GGACT: variants seen among roughly 807,000 people sequenced by gnomAD.
GGACT encodes the protein gamma-glutamylamine cyclotransferase.
For synonymous variants in GGACT, 118 were observed against 115.3 expected, an observed-to-expected ratio of 1.02 and a Z score of -0.15; for missense variants, 241 against 233.2, an observed-to-expected ratio of 1.03 and a Z score of -0.22.
intron 2 of GGACT, among the ~76,000 whole-genome samples, chr13:100,572,117 C>T (rs771270039): frequency 6.6e-6 from 1 of 152,066 alleles, no homozygotes; most frequent in Non-Finnish European, 1.5e-5. Context: ...CCAGCATCAG[C>T]CAAGGGTTGG....
rs542005329 is a variant in GGACT, at chr13:100,545,416, C to T, written c.-10-12815G>A. ...TTCCTGACCTCCTTCCTGACCTCCA[C>T]GTCCCAGGGCCCCTGGAGGAGGGCA... On this transcript the variant is annotated intron_variant, in intron 2 of 2. Coordinates refer to ENST00000683975, the MANE Select transcript of GGACT (RefSeq NM_001195087.2). This position sits in a 1 kb window ranked among gnomAD's most constrained non-coding sequence, Gnocchi z 4.4. 1.1e-4 allele frequency among the ~76,000 whole-genome samples: 17 copies of T among 152,284 alleles called. No individual in the cohort carries two copies. Among genetic ancestry groups the T allele is most frequent in the African/African-American group, 3.9e-4 (16 of 41,554 alleles).
rs1028961473 is a variant in GGACT at position 100,562,534 on chromosome 13, G to T, written c.-11+21291C>A. Among the ~76,000 whole-genome samples the T allele has an allele frequency of 2.6e-5, 4 of 152,236 alleles. No homozygotes were observed. The East Asian group carries it at 7.7e-4, about 29-fold the overall frequency. On this transcript the variant is annotated intron_variant, in intron 2 of 2. Transcript: ENST00000683975. ...CATGAGGCCAGGTGTGGTGGCTCACGCCTGTAATTCCAACACTTTGGGAGG... is the reference window on the plus strand; with the variant it reads ...CATGAGGCCAGGTGTGGTGGCTCACTCCTGTAATTCCAACACTTTGGGAGG...
At chr13:100,580,104 G>T (rs1875371593) in intron 2 of GGACT, 1 of 152,266 alleles carries the variant, frequency 6.6e-6, no homozygotes, top group African/African-American at 2.4e-5. Flanking sequence ...ATTGGCACCT[G>T]GTCTTACTCT....
intron 2 of GGACT, among the ~76,000 whole-genome samples, chr13:100,549,574 A>G (rs1039242624): frequency 3.9e-5 from 6 of 152,248 alleles, no homozygotes; most frequent in Non-Finnish European, 8.8e-5. Context: ...AGCGGCAGGG[A>G]GCTGGGTCAG....
chr13:100,581,797 C>T (rs985787043), intron 2 of GGACT, among the ~76,000 whole-genome samples: 3 of 152,178 alleles, frequency 2.0e-5, no homozygotes, highest in Non-Finnish European at 2.9e-5. Context: ...GTCATGTAGA[C>T]AGTATGTGTG....
chr13:100,578,571 C>A (rs756376788), intron 2 of GGACT, among the ~76,000 whole-genome samples: 8 of 152,256 alleles, frequency 5.3e-5, no homozygotes, highest in Non-Finnish European at 1.0e-4. Context: ...AAAGATCCTG[C>A]TGTTCACAAT....
chr13:100,555,012 ATAACCTGC>A (rs2088698925), intron 2 of GGACT, among the ~76,000 whole-genome samples: 1 of 152,258 alleles, frequency 6.6e-6, no homozygotes, highest in Non-Finnish European at 1.5e-5. Context: ...GAAGAAGTAG[ATAACCTGC>A]AAAGCCCTGT....
chr13:100,548,704 T>G (rs1441600158), intron 2 of GGACT, among the ~76,000 whole-genome samples: 1 of 152,032 alleles, frequency 6.6e-6, no homozygotes, highest in African/African-American at 2.4e-5. Context: ...CCCTTAAAGT[T>G]TAAAATTAAA....
intron 2 of GGACT, among the ~76,000 whole-genome samples, chr13:100,548,317 A>C (rs2088627423): frequency 6.6e-6 from 1 of 152,256 alleles, no homozygotes; most frequent in African/African-American, 2.4e-5. Context: ...GAAACATCTT[A>C]AGGTTGTATT....
intron 2 of GGACT, among the ~76,000 whole-genome samples, chr13:100,583,168 C>A (rs1875466901): frequency 1.3e-5 from 2 of 152,300 alleles, no homozygotes; most frequent in African/African-American, 4.8e-5. Context: ...CTTCAATAAT[C>A]TTTTTCAGAA....
At chr13:100,572,091 T>C (rs1875098462) in intron 2 of GGACT, among the ~76,000 whole-genome samples, 1 of 152,172 alleles carries the variant, frequency 6.6e-6, no homozygotes, top group South Asian at 2.1e-4. Context: ...AAAAATGACA[T>C]AGCTCATGCA....
chr13:100,550,341 CA>C (rs60854393), intron 2 of GGACT, among the ~76,000 whole-genome samples: 2,125 of 122,984 alleles, frequency 0.017, 175 homozygotes, highest in Middle Eastern at 0.036. Flanking sequence ...CACACACACA[CA>C]CACACACACA....
chr13:100,570,802 A>G (rs1875059346), intron 2 of GGACT, among the ~76,000 whole-genome samples: 1 of 152,180 alleles, frequency 6.6e-6, no homozygotes, highest in South Asian at 2.1e-4. Flanking sequence ...AGACTAATAC[A>G]GTAAATTTGT....
chr13:100,556,096 T>C (rs1475375932), intron 2 of GGACT, among the ~76,000 whole-genome samples: 1 of 152,218 alleles, frequency 6.6e-6, no homozygotes, highest in Non-Finnish European at 1.5e-5. Context: ...GGACGTCCAC[T>C]CTTCCTACTT....
intron 2 of GGACT, among the ~76,000 whole-genome samples, chr13:100,549,439 G>T (rs564821386): frequency 3.3e-5 from 5 of 152,372 alleles, no homozygotes; most frequent in African/African-American, 1.2e-4. Flanking sequence ...GCTGCTGGTT[G>T]GCACTGCCAG....
intron 2 of GGACT, among the ~76,000 whole-genome samples, chr13:100,554,219 CCAGGGGA>C (rs2088693246): frequency 6.6e-6 from 1 of 152,144 alleles, no homozygotes; most frequent in South Asian, 2.1e-4. Context: ...TTATGTTCCC[CCAGGGGA>C]TGAAAGCCAA....
At chr13:100,561,053 C>T (rs1288989275) in intron 2 of GGACT, among the ~76,000 whole-genome samples, 3 of 152,322 alleles carry the variant, frequency 2.0e-5, no homozygotes, top group Middle Eastern at 6.8e-3. Context: ...CCTCTTCCCC[C>T]GGCTCCTGAC....
In GGACT at chr13:100,545,675, C is replaced by T. The variant is rs1279761514; in HGVS notation, c.-10-13074G>A. ...TTGTCTTTGTATTTTGTAAGCAAAGCGAAGCCTGCTGGAATAACACAGCAC... is the reference window on the plus strand; with the variant it reads ...TTGTCTTTGTATTTTGTAAGCAAAGTGAAGCCTGCTGGAATAACACAGCAC... On this transcript the variant is annotated intron_variant, in intron 2 of 2. Coordinates refer to ENST00000683975, the MANE Select transcript of GGACT (RefSeq NM_001195087.2). This position sits in a 1 kb window ranked among gnomAD's most constrained non-coding sequence, Gnocchi z 4.4. Among the ~76,000 whole-genome samples, 1 of 152,216 alleles carries T rather than the reference C, an allele frequency of 6.6e-6. No individual in the cohort carries two copies.
chr13:100,549,500 G>T (rs980990386), intron 2 of GGACT, among the ~76,000 whole-genome samples: 5 of 152,216 alleles, frequency 3.3e-5, no homozygotes, highest in African/African-American at 1.2e-4. Context: ...GAGCTAAAAG[G>T]AACCCAACTG....
Sources: allele counts gnomAD v4.1 joint callset (sites outside exome capture counted in the v4.1 genomes callset), GRCh38; gene constraint gnomAD v4.1.1; non-coding constraint Gnocchi (gnomAD v3.1); transcripts MANE v1.5; gene names NCBI Gene and HGNC (gene_info 2026-07-23, HGNC 2026-07-21).